GSE1: variants seen among roughly 807,000 people sequenced by gnomAD.
The protein encoded by GSE1 is Gse1 coiled-coil protein, also known as genetic suppressor element 1.
GSE1 carries 32 observed loss-of-function variants against 112.6 expected under a neutral mutation model. The observed-to-expected ratio is 0.28, with a 90% CI of 0.21 to 0.38. GSE1 has a LOEUF of 0.38. GSE1 is among the 10% of genes least tolerant of loss of function. The pLI is 1.00. For missense variants in GSE1, 2,348 were observed against 1,699.2 expected, an observed-to-expected ratio of 1.38 and a Z score of -6.71; for synonymous variants, 1,115 against 735.6, an observed-to-expected ratio of 1.52 and a Z score of -8.35.
intron 1 of GSE1, among the ~76,000 whole-genome samples, chr16:85,184,856 C>T (rs1342708705): frequency 1.3e-5 from 2 of 152,172 alleles, no homozygotes; most frequent in Non-Finnish European, 2.9e-5. Flanking sequence ...AGTGTACGCT[C>T]TTGAAGAAGG....
intron 1 of GSE1, among the ~76,000 whole-genome samples, chr16:85,565,394 C>CAAAAAAAA (rs36033236): frequency 7.5e-5 from 9 of 119,454 alleles, no homozygotes; most frequent in African/African-American, 2.8e-4. Flanking sequence ...GACTCTGTCT[C>CAAAAAAAA]AAAAAAAAAA....
Position 85,634,016 on chromosome 16 carries a change from C to G in GSE1, c.110C>G (p.Ala37Gly), listed in dbSNP as rs772479714. 1 of 1,612,056 alleles carries G rather than the reference C, an allele frequency of 6.2e-7. No individual in the cohort carries two copies. Among genetic ancestry groups the G allele is most frequent in the Non-Finnish European group, 8.5e-7 (1 of 1,179,244 alleles). ...NPLTPSPLNG[A>G]LVPSGSPATS... ...CTCACCCCCTCGCCGCTCAATGGCG[C>G]CCTGGTGCCCAGCGGCAGCCCCGCC... Residue 37 changes from alanine to glycine, a missense_variant, in exon 2 of 16, where the codon GCC becomes GGC. Coordinates refer to ENST00000253458, the MANE Select transcript of GSE1 (RefSeq NM_014615.5).
chr16:85,590,296 G>A (rs1379165570), intron 1 of GSE1, among the ~76,000 whole-genome samples: 2 of 151,192 alleles, frequency 1.3e-5, no homozygotes, highest in African/African-American at 4.9e-5. Context: ...GTGACTGTGT[G>A]TGTGAACGCA....
intron 1 of GSE1, among the ~76,000 whole-genome samples, chr16:85,312,516 AAGGACGCTAGT>A (rs1433042813): frequency 1.3e-5 from 2 of 152,050 alleles, no homozygotes; most frequent in African/African-American, 4.8e-5. Context: ...CTCTCATTGT[AAGGACGCTAGT>A]TAGTGGATTT....
chr16:85,303,903 C>A (rs1365599891), intron 1 of GSE1, among the ~76,000 whole-genome samples: 1 of 152,224 alleles, frequency 6.6e-6, no homozygotes, highest in Admixed American at 6.5e-5. Context: ...CCGGGGACGC[C>A]CCGGCCATTG....
chr16:85,516,726 G>T (rs562160727), intron 2 of GSE1, among the ~76,000 whole-genome samples: 13 of 151,928 alleles, frequency 8.6e-5, no homozygotes, highest in African/African-American at 2.4e-4. Flanking sequence ...GAGGAGCCAG[G>T]TGGTATTCGT....
At chr16:85,491,222 T>A (rs2051000468) in intron 2 of GSE1, among the ~76,000 whole-genome samples, 1 of 152,188 alleles carries the variant, frequency 6.6e-6, no homozygotes, top group Non-Finnish European at 1.5e-5. Context: ...CAGGCCTCAA[T>A]TCAGGCCTCT....
intron 1 of GSE1, among the ~76,000 whole-genome samples, chr16:85,202,849 C>A (rs1311475864): frequency 6.6e-6 from 1 of 152,208 alleles, no homozygotes; most frequent in Admixed American, 6.5e-5. Flanking sequence ...GGGGATTGGG[C>A]CTTGTCCTGC....
intron 2 of GSE1, among the ~76,000 whole-genome samples, chr16:85,421,516 C>T (rs2048844899): frequency 6.6e-6 from 1 of 152,230 alleles, no homozygotes; most frequent in African/African-American, 2.4e-5. Context: ...AAACAGCAGC[C>T]CCAACTCCTT....
At chr16:85,338,576 C>T (rs915453168) in intron 1 of GSE1, among the ~76,000 whole-genome samples, 1 of 152,186 alleles carries the variant, frequency 6.6e-6, no homozygotes, top group Non-Finnish European at 1.5e-5. Context: ...CATGTGGTGG[C>T]TAAATAATTT....
chr16:85,331,355 G>GTATA lies in GSE1; in HGVS notation c.2284-26107_2284-26106insATAT, dbSNP rs1467067903. On this transcript the variant is annotated intron_variant, in intron 1 of 2. Transcript: ENST00000637419. The stretch of plus-strand genomic sequence containing the variant: ...TGTGTGTGTGTGTGTGTGTGTGTGT[G>GTATA]TGTGTGTGTGTATATATGTATATAT... Among the ~76,000 whole-genome samples, 12 of 57,372 alleles carry GTATA rather than the reference G, an allele frequency of 2.1e-4. 1 individual carries two copies. The highest frequency in any genetic ancestry group is 5.6e-4 in the African/African-American group (11 of 19,622). The allele number at this position is 57,372 out of a possible 152,430, so 37.6% of individuals were successfully genotyped here.
At chr16:85,599,069 A>G (rs1447803370) in intron 1 of GSE1, among the ~76,000 whole-genome samples, 1 of 152,216 alleles carries the variant, frequency 6.6e-6, no homozygotes, top group Non-Finnish European at 1.5e-5. Flanking sequence ...GCCCACTCAC[A>G]TCTTCGTGCG....
At chr16:85,338,873 G>A (rs1044349913) in intron 1 of GSE1, among the ~76,000 whole-genome samples, 3 of 152,206 alleles carry the variant, frequency 2.0e-5, no homozygotes, top group Non-Finnish European at 2.9e-5. Context: ...TGCCGGTGGC[G>A]TTACTCTCGT....
rs929367908 is a variant in GSE1, at chr16:85,643,757, G to A, written c.227-4795G>A. On this transcript the variant is annotated intron_variant, in intron 2 of 15. Transcript: ENST00000253458. Reference sequence around the variant, plus strand: ...TGGGGCTTGGCACGTGGTGGGGCTCGGAAGCTCCTGCTCCCAGCTCCCCAC... The same window carrying A: ...TGGGGCTTGGCACGTGGTGGGGCTCAGAAGCTCCTGCTCCCAGCTCCCCAC... Among the ~76,000 whole-genome samples the A allele has an allele frequency of 1.4e-4, 21 of 152,154 alleles. 1 individual carries two copies. Among genetic ancestry groups the A allele is most frequent in the Non-Finnish European group, 2.9e-4 (20 of 68,026 alleles).
upstream of GSE1, chr16:85,555,866 A>AC (rs1324636509): frequency 6.0e-6 from 4 of 668,794 alleles, no homozygotes; most frequent in Non-Finnish European, 7.1e-6. Flanking sequence ...GAAGATCTTA[A>AC]CCCCCCAATT....
intron 2 of GSE1, among the ~76,000 whole-genome samples, chr16:85,536,493 C>A (rs1036224473): frequency 6.6e-6 from 1 of 152,340 alleles, no homozygotes; most frequent in South Asian, 2.1e-4. Flanking sequence ...GTGTGGGCCG[C>A]GGGCAGGGCT....
At chr16:85,478,968 C>CTTTTTTTTTCTTTCT (rs1453074760) in intron 2 of GSE1, among the ~76,000 whole-genome samples, 491 of 16,922 alleles carry the variant, frequency 0.029, 116 homozygotes, top group African/African-American at 0.24. Flanking sequence ...TCTTTCTTTC[C>CTTTTTTTTTCTTTCT]TTCCTTCCTT....
chr16:85,263,781 CAGG>C (rs1481174058), intron 1 of GSE1, among the ~76,000 whole-genome samples: 1 of 152,180 alleles, frequency 6.6e-6, no homozygotes, highest in East Asian at 1.9e-4. Flanking sequence ...CCATGTTGAC[CAGG>C]CTGGTCTGGA....
chr16:85,439,182 C>G (rs967301313), intron 2 of GSE1, among the ~76,000 whole-genome samples: 1 of 152,252 alleles, frequency 6.6e-6, no homozygotes, highest in African/African-American at 2.4e-5. Flanking sequence ...CCTCACCCGG[C>G]ACTGACCTGG....
Sources: gnomAD v4.1 joint callset for allele counts (sites outside exome capture counted in the v4.1 genomes callset) on GRCh38, gnomAD v4.1.1 for gene constraint, MANE v1.5 for transcripts, NCBI Gene and HGNC (gene_info 2026-07-23, HGNC 2026-07-21) for gene names.